Variants in MACIR observed in about 807,000 individuals in gnomAD.
MACIR encodes the protein UNC119-binding protein C5orf30.
Under a neutral mutation model 14.3 loss-of-function variants are expected in MACIR, and 4 were observed. That is an observed-to-expected ratio of 0.28 (90% CI 0.14 to 0.64). MACIR has a LOEUF of 0.64. MACIR is among the 30% of genes least tolerant of loss of function. The pLI is 0.83. For missense variants in MACIR, 228 were observed against 257.6 expected, an observed-to-expected ratio of 0.89 and a Z score of 0.79; for synonymous variants, 101 against 102.4, an observed-to-expected ratio of 0.99 and a Z score of 0.08.
chr5:103,276,614 T>A lies in MACIR; in HGVS notation c.*74T>A, dbSNP rs1805345106. On this transcript the variant is annotated 3_prime_UTR_variant, in exon 3 of 3. Coordinates refer to ENST00000319933, the MANE Select transcript of MACIR (RefSeq NM_033211.4). The stretch of plus-strand genomic sequence containing the variant: ...AGAAAAAACCCACTGCTGTACTCTG[T>A]ACATGACTCTTCACACTATAGATGG... The A allele has an allele frequency of 3.7e-6, 5 of 1,341,722 alleles. No individual in the cohort carries two copies. The East Asian group carries it at 1.2e-4, about 31-fold the overall frequency. The allele number at this position is 1,341,722 out of a possible 1,614,324, so 83.1% of individuals were successfully genotyped here.
intron 2 of MACIR, among the ~76,000 whole-genome samples, chr5:103,272,401 C>T (rs553588490): frequency 6.7e-6 from 1 of 149,344 alleles, no homozygotes; most frequent in African/African-American, 2.5e-5. Context: ...TTAGGAGGTA[C>T]CCAGACTTCT....
At chr5:103,275,869 C>T in intron 2 of MACIR, 28 bp from the exon 3 acceptor site, 1 of 1,560,508 alleles carries the variant, frequency 6.4e-7, no homozygotes, top group Non-Finnish European at 8.7e-7. Flanking sequence ...GCATTATATT[C>T]TTCTAATCTA....
chr5:103,268,789 G>A (rs558609957), intron 2 of MACIR, among the ~76,000 whole-genome samples: 1 of 152,166 alleles, frequency 6.6e-6, no homozygotes, highest in African/African-American at 2.4e-5. Context: ...GAGCCAGGGG[G>A]CCTGGGTTGT....
At chr5:103,274,174 T>G (rs1554237422) in intron 2 of MACIR, among the ~76,000 whole-genome samples, 1 of 152,192 alleles carries the variant, frequency 6.6e-6, no homozygotes, top group African/African-American at 2.4e-5. Context: ...AAAGGAAGGA[T>G]AAATTTGTCA....
intron 1 of MACIR, among the ~76,000 whole-genome samples, chr5:103,264,216 A>G (rs1804840993): frequency 6.6e-6 from 1 of 152,140 alleles, no homozygotes; most frequent in African/African-American, 2.4e-5. Context: ...GAGTCAGACC[A>G]ATTGGGGTTC....
intron 2 of MACIR, among the ~76,000 whole-genome samples, chr5:103,271,887 A>T (rs565848435): frequency 6.6e-6 from 1 of 152,284 alleles, no homozygotes; most frequent in South Asian, 2.1e-4. Flanking sequence ...GCTTTAAATT[A>T]TATATGAAAG....
In MACIR at chr5:103,276,643, T is replaced by C. The variant is rs1288910799; in HGVS notation, c.*103T>C. 6 of 1,084,038 alleles carry C rather than the reference T, an allele frequency of 5.5e-6. No homozygotes were observed. Among genetic ancestry groups the C allele is most frequent in the Non-Finnish European group, 7.8e-6 (6 of 765,608 alleles). The allele number at this position is 1,084,038 out of a possible 1,614,324, so 67.2% of individuals were successfully genotyped here. A position where few individuals can be genotyped will look rare whatever the true frequency, so the allele number is the denominator to read the frequency against. On this transcript the variant is annotated 3_prime_UTR_variant, in exon 3 of 3. Transcript: ENST00000319933. ...TGACTCTTCACACTATAGATGGTTA[T>C]ATCAGCTAAGTGTTCCTGGAACATA...
Position 103,276,425 on chromosome 5 carries a change from A to G in MACIR, c.506A>G (p.Asp169Gly). 6.2e-7 allele frequency: 1 copy of G among 1,614,060 alleles called. No homozygotes were observed. Among genetic ancestry groups the G allele is most frequent in the Non-Finnish European group, 8.5e-7 (1 of 1,180,014 alleles). The stretch of plus-strand genomic sequence containing the variant: ...AAGAGGGCTCACTCCAAATCTCTGG[A>G]CTACCTCAATCTAGATAAAATGATC... ...KGKRAHSKSL[D>G]YLNLDKMIKE... Residue 169 changes from aspartate to glycine, a missense_variant, in exon 3 of 3, where the codon GAC becomes GGC. Asp to Gly is a moderately conservative substitution (Grantham distance 94). Coordinates refer to ENST00000319933, the MANE Select transcript of MACIR (RefSeq NM_033211.4).
At chr5:103,269,778 C>T (rs1394626160) in intron 2 of MACIR, among the ~76,000 whole-genome samples, 1 of 152,038 alleles carries the variant, frequency 6.6e-6, no homozygotes, top group East Asian at 1.9e-4. Context: ...ATGGTTTGGA[C>T]CTGTTTGCTT....
intron 1 of MACIR, among the ~76,000 whole-genome samples, chr5:103,261,670 C>CTTTTCTTTTCTTTTCT (rs1257263421): frequency 8.0e-6 from 1 of 124,952 alleles, no homozygotes; most frequent in African/African-American, 3.2e-5. Flanking sequence ...TTCTTTCTTT[C>CTTTTCTTTTCTTTTCT]TTTCTTTCTT....
intron 1 of MACIR, among the ~76,000 whole-genome samples, chr5:103,261,636 C>CTT (rs1305564515): frequency 3.3e-5 from 4 of 121,950 alleles, no homozygotes; most frequent in Non-Finnish European, 5.6e-5. Context: ...ACCTGTTTTT[C>CTT]TTTTTCTTTC....
Position 103,276,583 on chromosome 5 carries a change from T to A in MACIR, c.*43T>A. The A allele has an allele frequency of 1.9e-6, 3 of 1,553,170 alleles. No individual in the cohort carries two copies. The highest frequency in any genetic ancestry group is 2.6e-6 in the Non-Finnish European group (3 of 1,153,592). ...TAAACCAATTTAGGTCAGCCTACGC[T>A]TGGCTAGAAAAAACCCACTGCTGTA... On this transcript the variant is annotated 3_prime_UTR_variant, in exon 3 of 3. Transcript: ENST00000319933.
chr5:103,270,243 G>T (rs1477716023), intron 2 of MACIR, among the ~76,000 whole-genome samples: 4 of 152,190 alleles, frequency 2.6e-5, no homozygotes, highest in South Asian at 4.2e-4. Flanking sequence ...AAGGTTTTGT[G>T]GTGCTTGCTA....
rs1326180442 is a variant in MACIR, at chr5:103,277,137, A to T, written c.*597A>T. The T allele has an allele frequency of 6.0e-6, 1 of 167,074 alleles. No homozygotes were observed. The highest frequency in any genetic ancestry group is 2.4e-5 in the African/African-American group (1 of 41,462). 10.3% of individuals were successfully genotyped at this position (167,074 alleles called of 1,614,324 possible). ...GCCTCAATAATGTTATTGAGCAATG[A>T]ATTTTTTATTTCCGCATGGAAAGTT... On this transcript the variant is annotated 3_prime_UTR_variant, in exon 3 of 3. Coordinates refer to ENST00000319933, the MANE Select transcript of MACIR (RefSeq NM_033211.4).
intron 1 of MACIR, among the ~76,000 whole-genome samples, chr5:103,264,904 C>G (rs1554236624): frequency 6.6e-6 from 1 of 150,892 alleles, no homozygotes; most frequent in African/African-American, 2.5e-5. Context: ...ACTGTTGACA[C>G]TTCTTGGGCT....
chr5:103,276,174 A>G lies in MACIR; in HGVS notation c.255A>G (p.Ala85=), dbSNP rs1805321192. ...GCACAGGAGGTGAAGAGAGCAAAGC[A>G]GAAGCCATGCCATCCTTACGCTCCA... is the stretch of plus-strand genomic sequence containing the variant. ...QKCTGGEESK[A]EAMPSLRSKQ... Residue 85 remains alanine, a synonymous_variant, in exon 3 of 3, where the codon GCA becomes GCG. Transcript: ENST00000319933. The G allele has an allele frequency of 6.2e-7, 1 of 1,613,794 alleles. No homozygotes were observed. The highest frequency in any genetic ancestry group is 8.5e-7 in the Non-Finnish European group (1 of 1,179,990).
intron 2 of MACIR, among the ~76,000 whole-genome samples, chr5:103,271,884 A>T (rs35802): frequency 0.29 from 44,774 of 152,056 alleles, 6,598 homozygotes; most frequent in Non-Finnish European, 0.32. Context: ...TTTGCTTTAA[A>T]TTATATATGA....
intron 2 of MACIR, among the ~76,000 whole-genome samples, chr5:103,269,885 A>T (rs1006674628): frequency 6.6e-6 from 1 of 152,208 alleles, no homozygotes; most frequent in African/African-American, 2.4e-5. Context: ...ATATAAATGA[A>T]TGAAATGTTA....
Position 103,262,613 on chromosome 5 carries a change from T to C in MACIR, c.-113-3295T>C, listed in dbSNP as rs553910662. 4.6e-5 allele frequency among the ~76,000 whole-genome samples: 7 copies of C among 152,370 alleles called. No individual in the cohort carries two copies. The East Asian group carries it at 1.3e-3, about 29-fold the overall frequency. On this transcript the variant is annotated intron_variant, in intron 1 of 2. Transcript: ENST00000319933. ...ACTTTTCTATTTGTAGAAGCTCCAC[T>C]TGCAGTGAAATGTTGGGTGTCTTTT...
Sources: allele counts gnomAD v4.1 joint callset (sites outside exome capture counted in the v4.1 genomes callset), GRCh38; gene constraint gnomAD v4.1.1; transcripts MANE v1.5; gene names NCBI Gene and HGNC (gene_info 2026-07-23, HGNC 2026-07-21).